The following BIRC6 variants were observed in gnomAD, a reference collection of about 807,000 sequenced individuals.
BIRC6 encodes the protein dual E2 ubiquitin-conjugating enzyme/E3 ubiquitin-protein ligase BIRC6.
In BIRC6, 98 loss-of-function variants were observed where a neutral mutation model predicts 503.3. The observed-to-expected ratio is 0.19, with a 90% confidence interval of 0.17 to 0.23. The LOEUF (loss-of-function observed/expected upper bound fraction) is 0.23, where lower values mean the gene tolerates loss of function less well. BIRC6 is among the 10% of genes least tolerant of loss of function. BIRC6 has a pLI of 1.00. For synonymous variants in BIRC6, 2,240 were observed against 2,078.7 expected, an observed-to-expected ratio of 1.08 and a Z score of -2.11; for missense variants, 5,360 against 5,806.0, an observed-to-expected ratio of 0.92 and a Z score of 2.50.
rs1293679683 is a variant in BIRC6, at chr2:32,468,007, G to C, written c.5676G>C (p.Lys1892Asn). Residue 1892 changes from lysine to asparagine, a missense_variant, in exon 28 of 74, where the codon AAG becomes AAC. Coordinates refer to ENST00000421745, the MANE Select transcript of BIRC6 (RefSeq NM_016252.4). Reference sequence around the variant, plus strand: ...TCTTGCCTTGGGAAAGTGAACTGAAGTTAATGCATGATCCTCTAAAGGGAG... The same window carrying C: ...TCTTGCCTTGGGAAAGTGAACTGAACTTAATGCATGATCCTCTAAAGGGAG... ...TYILPWESELKLMHDPLKGEG... is the reference protein window; with the variant it reads ...TYILPWESELNLMHDPLKGEG... 1 of 1,613,672 alleles carries C rather than the reference G, an allele frequency of 6.2e-7. No individual in the cohort carries two copies. The highest frequency in any genetic ancestry group is 1.3e-5 in the African/African-American group (1 of 74,902).
rs113502980 is a variant in BIRC6, at chr2:32,423,172, C to T, written c.2873-5974C>T. ...CTCTAACTCCTGACCTTAAGTGCTC[C>T]GCCCGCCTTGGCCTCCCAAAGTGAT... On this transcript the variant is annotated intron_variant, in intron 10 of 73. Transcript: ENST00000421745. Among the ~76,000 whole-genome samples, 211 of 152,312 alleles carry T rather than the reference C, an allele frequency of 1.4e-3. 1 individual carries two copies. The highest frequency in any genetic ancestry group is 4.3e-3 in the African/African-American group (179 of 41,566).
intron 11 of BIRC6, among the ~76,000 whole-genome samples, chr2:32,430,126 T>C (rs1341139523): frequency 6.6e-6 from 1 of 152,162 alleles, no homozygotes. Flanking sequence ...TGTAATAATT[T>C]TATAGAACTT....
chr2:32,471,298 C>A, intron 32 of BIRC6, 174 bp downstream of exon 32: 1 of 461,268 alleles, frequency 2.2e-6, no homozygotes, highest in Non-Finnish European at 2.8e-6. Context: ...TTAAAGATAA[C>A]ATTTATACTT....
intron 66 of BIRC6, among the ~76,000 whole-genome samples, chr2:32,588,897 A>G (rs1037901946): frequency 2.0e-5 from 3 of 152,190 alleles, no homozygotes; most frequent in African/African-American, 2.4e-5. Context: ...TAGCATTTAC[A>G]AGTTAGTTCT....
chr2:32,525,704 C>T, intron 59 of BIRC6, 76 bp downstream of exon 59: 1 of 1,423,540 alleles, frequency 7.0e-7, no homozygotes. Context: ...GCACAGTCAC[C>T]AAAATCATTT....
In BIRC6 at chr2:32,357,552, G is replaced by T; in HGVS notation, c.325+66G>T. On this transcript the variant is annotated intron_variant, in intron 1 of 73. Transcript: ENST00000421745. This position sits in a 1 kb window ranked among gnomAD's most constrained non-coding sequence, Gnocchi z 4.9. Reference sequence around the variant, plus strand: ...AGAAGCCGTCCAGCCCCGGGGCTCGGCCTCGCGACTCGGGGAAGCGAGATG... The same window carrying T: ...AGAAGCCGTCCAGCCCCGGGGCTCGTCCTCGCGACTCGGGGAAGCGAGATG... The T allele has an allele frequency of 6.6e-7, 1 of 1,505,400 alleles. No homozygotes were observed. Among genetic ancestry groups the T allele is most frequent in the Non-Finnish European group, 8.8e-7 (1 of 1,130,972 alleles). The allele number at this position is 1,505,400 out of a possible 1,614,324, so 93.3% of individuals were successfully genotyped here. A position where few individuals can be genotyped will look rare whatever the true frequency, so the allele number is the denominator to read the frequency against.
At chr2:32,479,736 A>T (rs903674768) in intron 37 of BIRC6, 119 bp downstream of exon 37, 2 of 841,064 alleles carry the variant, frequency 2.4e-6, no homozygotes, top group Non-Finnish European at 3.6e-6. Flanking sequence ...CTTTGGCCTT[A>T]TAAACTAGAT....
At position 32,514,279 on chromosome 2, in the gene BIRC6, G is replaced by C. The variant is rs1042293721; in HGVS notation, c.10569-711G>C. Among the ~76,000 whole-genome samples the C allele has an allele frequency of 9.2e-5, 14 of 151,958 alleles. No homozygotes were observed. In the South Asian group the frequency reaches 2.9e-3, roughly 32 times the overall value. On this transcript the variant is annotated intron_variant, in intron 54 of 73. Transcript: ENST00000421745. Reference sequence around the variant, plus strand: ...GAGCCCACACTGACCTATGATGATGGCACCACTGGCACTGCAGCCAGGGCA... The same window carrying C: ...GAGCCCACACTGACCTATGATGATGCCACCACTGGCACTGCAGCCAGGGCA...
intron 8 of BIRC6, among the ~76,000 whole-genome samples, chr2:32,404,308 T>A (rs2040943776): frequency 6.6e-6 from 1 of 152,068 alleles, no homozygotes; most frequent in South Asian, 2.1e-4. Flanking sequence ...TTTAGTTATT[T>A]TATTCATATA....
intron 12 of BIRC6, 42 bp downstream of exon 12, chr2:32,431,132 G>C (rs1333926418): frequency 8.6e-7 from 1 of 1,167,206 alleles, no homozygotes; most frequent in South Asian, 1.3e-5. Flanking sequence ...AGTCCATCTT[G>C]TGTATTTGTC....
At chr2:32,469,173 C>T (rs2048869316) in intron 29 of BIRC6, among the ~76,000 whole-genome samples, 1 of 152,166 alleles carries the variant, frequency 6.6e-6, no homozygotes, top group Non-Finnish European at 1.5e-5. Flanking sequence ...CTGACACATC[C>T]AGCTCCATAG....
chr2:32,389,438 A>G (rs1427762553), intron 4 of BIRC6, among the ~76,000 whole-genome samples: 1 of 151,490 alleles, frequency 6.6e-6, no homozygotes, highest in Non-Finnish European at 1.5e-5. Context: ...ACAATTTTTT[A>G]TGCTGCTCGC....
rs777922868 is a variant in BIRC6, at chr2:32,467,491, A to G, written c.5357-34A>G. The G allele has an allele frequency of 9.0e-6, 14 of 1,548,806 alleles. No homozygotes were observed. The East Asian group carries it at 2.9e-4, about 32-fold the overall frequency. On this transcript the variant is annotated intron_variant, in intron 26 of 73. Coordinates refer to ENST00000421745, the MANE Select transcript of BIRC6 (RefSeq NM_016252.4). ...AGTGTATCATTTGGTTAATTGATAT[A>G]TTTTTGGTCAACTGTTTCTTCTTTC...
chr2:32,529,614 C>T (rs1031800279), intron 59 of BIRC6, 37 bp from the exon 60 acceptor site: 1 of 1,452,452 alleles, frequency 6.9e-7, no homozygotes, highest in East Asian at 2.5e-5. Flanking sequence ...ATGTTTCTTT[C>T]TCGGTTTCCA....
chr2:32,485,900 C>A, intron 40 of BIRC6, 141 bp downstream of exon 40: 1 of 574,608 alleles, frequency 1.7e-6, no homozygotes. Flanking sequence ...TTCCTGGCTC[C>A]GAGTTAGTAG....
At chr2:32,550,654 G>A (rs1011939071) in intron 65 of BIRC6, among the ~76,000 whole-genome samples, 1 of 151,932 alleles carries the variant, frequency 6.6e-6, no homozygotes, top group Non-Finnish European at 1.5e-5. Context: ...TCCTTATACT[G>A]TGAAGATATG....
Position 32,543,409 on chromosome 2 carries a change from C to T in BIRC6, c.12460C>T (p.Pro4154Ser), listed in dbSNP as rs1559017453. ...AGCAGTACAGACCATGTCTCCCATA[C>T]CTGCCCATTCTTTGGCTGCTTTTGG... ...KSAVQTMSPI[P>S]AHSLAAFGLF... is the part of the protein sequence containing the mutation. Residue 4154 changes from proline (P) to serine (S), a missense_variant, in exon 62 of 74, where the codon CCT (proline) becomes TCT (serine). By Grantham distance (74) the Pro-to-Ser change is moderately conservative. Around this residue, in one of 16 missense-constraint regions of BIRC6, gnomAD observed 477 missense variants for 574.4 expected, o/e 0.83. Transcript: ENST00000421745. 6.2e-7 allele frequency: 1 copy of T among 1,614,006 alleles called. No homozygotes were observed. Among genetic ancestry groups the T allele is most frequent in the Non-Finnish European group, 8.5e-7 (1 of 1,179,902 alleles).
chr2:32,442,841 T>G (rs2045568679), intron 19 of BIRC6, among the ~76,000 whole-genome samples: 1 of 152,086 alleles, frequency 6.6e-6, no homozygotes, highest in South Asian at 2.1e-4. Context: ...TGCAGACCCT[T>G]TTTTTCTAAA....
In BIRC6 at chr2:32,594,065, A is replaced by G; in HGVS notation, c.13501+5A>G. ...GTTTGCGGCAAGCAAATCAGGGTAC[A>G]AAACTTTTCCTATTATGCCACTTTT... is the stretch of plus-strand genomic sequence containing the variant. On this transcript the variant is annotated splice_donor_5th_base_variant and intron_variant, in intron 67 of 73. Coordinates refer to ENST00000421745, the MANE Select transcript of BIRC6 (RefSeq NM_016252.4). 1 of 1,602,720 alleles carries G rather than the reference A, an allele frequency of 6.2e-7. No homozygotes were observed. Among genetic ancestry groups the G allele is most frequent in the East Asian group, 2.2e-5 (1 of 44,664 alleles).
Sources: gnomAD v4.1 joint callset for allele counts (sites outside exome capture counted in the v4.1 genomes callset) on GRCh38, gnomAD v4.1.1 for gene constraint, gnomAD v4.1.1 regional missense constraint, Gnocchi (gnomAD v3.1) non-coding constraint, MANE v1.5 for transcripts, NCBI Gene and HGNC (gene_info 2026-07-23, HGNC 2026-07-21) for gene names.